Variants in PLA2R1 observed in about 807,000 individuals in gnomAD.
The protein encoded by PLA2R1 is phospholipase A2 receptor 1.
Under a neutral mutation model 195.9 loss-of-function variants are expected in PLA2R1, and 158 were observed. The ratio of observed to expected loss-of-function variants is 0.81; its 90% CI spans 0.71 to 0.92. The LOEUF (loss-of-function observed/expected upper bound fraction) is 0.92, where lower values mean the gene tolerates loss of function less well. Ranked by LOEUF, PLA2R1 falls within the 40% of genes least tolerant of loss-of-function variation. The pLI, the probability that PLA2R1 is intolerant of heterozygous loss-of-function variation, is 0.00. For synonymous variants in PLA2R1, 586 were observed against 598.2 expected (o/e 0.98, Z 0.30); for missense variants, 1,626 against 1,764.6 (o/e 0.92, Z 1.41).
intron 3 of PLA2R1, among the ~76,000 whole-genome samples, chr2:160,038,418 A>G (rs978340995): frequency 2.0e-5 from 3 of 152,226 alleles, no homozygotes; most frequent in East Asian, 1.9e-4. Flanking sequence ...GGGAATTCCA[A>G]CGCTGCTGGA....
chr2:159,972,509 G>A (rs1173581179), intron 17 of PLA2R1, among the ~76,000 whole-genome samples: 2 of 152,168 alleles, frequency 1.3e-5, no homozygotes, highest in African/African-American at 4.8e-5. Context: ...CACAGTGACA[G>A]TCACTACATT....
rs750926161 is a variant in PLA2R1, at chr2:160,032,996, T to C, written c.804A>G (p.Leu268=). The change falls in exon 4 of 30, where the codon TTA becomes TTG. Residue 268 remains leucine, a synonymous_variant. Coordinates refer to ENST00000283243, the MANE Select transcript of PLA2R1 (RefSeq NM_007366.5). ...TTTCTTCAGTTTCATCTGTAATACT[T>C]AACAGCGTACCTCCTTGCATCTGGC... The part of the protein sequence containing the change: ...SSCQMQGGTL[L]SITDETEENF... The C allele has an allele frequency of 1.1e-5, 17 of 1,613,242 alleles. No homozygotes were observed. The highest frequency in any genetic ancestry group is 1.4e-5 in the Non-Finnish European group (17 of 1,179,632).
At chr2:160,040,465 T>C (rs1312773311) in intron 3 of PLA2R1, among the ~76,000 whole-genome samples, 3 of 152,182 alleles carry the variant, frequency 2.0e-5, no homozygotes, top group Non-Finnish European at 4.4e-5. Context: ...CATAGAATTA[T>C]CTCCATATTA....
intron 11 of PLA2R1, among the ~76,000 whole-genome samples, chr2:159,988,634 T>C (rs2105326639): frequency 6.6e-6 from 1 of 152,328 alleles, no homozygotes; most frequent in African/African-American, 2.4e-5. Flanking sequence ...AGAGTGATTA[T>C]AGATGACTGA....
chr2:159,925,410 G>A, the PLA2R1 span, among the ~76,000 whole-genome samples: 1 of 152,068 alleles, frequency 6.6e-6, no homozygotes, highest in Admixed American at 6.5e-5. Flanking sequence ...GGGCTCTTAT[G>A]TATAAATAAT....
chr2:160,005,649 C>G lies in PLA2R1; in HGVS notation c.1834+3G>C, dbSNP rs772274631. On this transcript the variant is annotated splice_donor_region_variant and intron_variant, in intron 11 of 29. Transcript: ENST00000283243. ...GGTTGGTGATGCAGCACACTCTACTCACGCGGCTGGTGTGTGTTCCAGTGT... is the reference window on the plus strand; with the variant it reads ...GGTTGGTGATGCAGCACACTCTACTGACGCGGCTGGTGTGTGTTCCAGTGT... 1 of 1,612,314 alleles carries G rather than the reference C, an allele frequency of 6.2e-7. No homozygotes were observed. Among genetic ancestry groups the G allele is most frequent in the Non-Finnish European group, 8.5e-7 (1 of 1,178,800 alleles).
chr2:160,032,870 T>C, intron 4 of PLA2R1, 89 bp downstream of exon 4: 2 of 1,045,298 alleles, frequency 1.9e-6, no homozygotes, highest in Non-Finnish European at 2.8e-6. Context: ...TTAAGAACTT[T>C]TTGTCAGAAT....
chr2:159,971,519 C>T (rs1439066739), intron 17 of PLA2R1, among the ~76,000 whole-genome samples: 3 of 151,928 alleles, frequency 2.0e-5, no homozygotes, highest in African/African-American at 7.2e-5. Flanking sequence ...GGCAGATGTA[C>T]TGACTTATGA....
chr2:159,925,294 T>C, the PLA2R1 span, among the ~76,000 whole-genome samples: 1 of 152,148 alleles, frequency 6.6e-6, no homozygotes, highest in African/African-American at 2.4e-5. Context: ...ACTTCTCCAT[T>C]GTAGGGGTGC....
intron 3 of PLA2R1, among the ~76,000 whole-genome samples, chr2:160,034,790 C>T (rs771616659): frequency 6.6e-6 from 1 of 152,008 alleles, no homozygotes; most frequent in African/African-American, 2.4e-5. Flanking sequence ...AGAAAGATGC[C>T]GGGTATGGTG....
intron 4 of PLA2R1, among the ~76,000 whole-genome samples, chr2:160,031,720 T>C (rs1693863003): frequency 6.6e-6 from 1 of 152,222 alleles, no homozygotes; most frequent in Non-Finnish European, 1.5e-5. Flanking sequence ...CTTGCTTGTA[T>C]CACTGTGCAA....
chr2:159,966,032 T>C (rs1306169473), intron 20 of PLA2R1, among the ~76,000 whole-genome samples: 1 of 152,204 alleles, frequency 6.6e-6, no homozygotes, highest in Admixed American at 6.5e-5. Context: ...ACAATTTTGT[T>C]AGCATCTGTC....
intron 27 of PLA2R1, among the ~76,000 whole-genome samples, chr2:159,945,422 C>T (rs1008394021): frequency 5.5e-5 from 8 of 145,906 alleles, no homozygotes; most frequent in Non-Finnish European, 9.0e-5. Context: ...TTGTTCAATT[C>T]CCACCTATGA....
rs143342385 is a variant in PLA2R1, at chr2:160,036,744, C to T, written c.668-3612G>A. ...GCTCAGTACTTTTCAACTCCTAGCT[C>T]TTCCCCTCACCTTACCCCAACCCAG... On this transcript the variant is annotated intron_variant, in intron 3 of 29. Transcript: ENST00000283243. 2.3e-3 allele frequency among the ~76,000 whole-genome samples: 357 copies of T among 152,320 alleles called. 5 individuals carry two copies. The highest frequency in any genetic ancestry group is 4.2e-3 in the Non-Finnish European group (289 of 68,032).
intron 10 of PLA2R1, among the ~76,000 whole-genome samples, chr2:160,007,726 G>T (rs1692096015): frequency 6.6e-6 from 1 of 152,174 alleles, no homozygotes; most frequent in Admixed American, 6.5e-5. Context: ...AAATGGTGCT[G>T]AAGGAAATTA....
intron 1 of PLA2R1, among the ~76,000 whole-genome samples, chr2:160,059,695 A>C (rs1009523681): frequency 6.6e-6 from 1 of 152,222 alleles, no homozygotes; most frequent in Non-Finnish European, 1.5e-5. Context: ...ACTGGGAAGA[A>C]AAAGAGGTTT....
rs550086558 is a variant in PLA2R1 at position 159,958,680 on chromosome 2, T to G, written c.2905-2053A>C. Among the ~76,000 whole-genome samples the G allele has an allele frequency of 5.3e-5, 8 of 152,270 alleles. No homozygotes were observed. In the South Asian group the frequency reaches 1.7e-3, roughly 32 times the overall value. Reference sequence around the variant, plus strand: ...AATGACATTGTCAGTCATTCTAAATTTAGCTCAGTGGTTCTCCAACAGGAC... The same window carrying G: ...AATGACATTGTCAGTCATTCTAAATGTAGCTCAGTGGTTCTCCAACAGGAC... On this transcript the variant is annotated intron_variant, in intron 20 of 29. Coordinates refer to ENST00000283243, the MANE Select transcript of PLA2R1 (RefSeq NM_007366.5).
intron 27 of PLA2R1, 94 bp downstream of exon 27, chr2:159,946,707 T>G: frequency 6.9e-7 from 1 of 1,457,036 alleles, no homozygotes; most frequent in Non-Finnish European, 9.0e-7. Flanking sequence ...AGAAAACGTA[T>G]CCAAGGAGAG....
chr2:159,967,994 G>C (rs1688898128), intron 19 of PLA2R1, among the ~76,000 whole-genome samples: 1 of 152,076 alleles, frequency 6.6e-6, no homozygotes, highest in South Asian at 2.1e-4. Context: ...ATACTTTGTA[G>C]GGTAACAATT....
Sources: allele counts gnomAD v4.1 joint callset (sites outside exome capture counted in the v4.1 genomes callset), GRCh38; gene constraint gnomAD v4.1.1; transcripts MANE v1.5; gene names NCBI Gene and HGNC (gene_info 2026-07-23, HGNC 2026-07-21).